Variants in C8orf34 observed in about 807,000 individuals in gnomAD.
C8orf34 encodes uncharacterized protein C8orf34.
A neutral mutation model predicts 68.3 loss-of-function variants in C8orf34; 65 were observed. That is an observed-to-expected ratio of 0.95 (90% CI 0.78 to 1.17). The LOEUF (loss-of-function observed/expected upper bound fraction) is 1.17. Among genes scored for constraint, C8orf34 ranks in the 50% most tolerant of loss-of-function variants. C8orf34 has a pLI of 0.00. For missense variants in C8orf34, 664 were observed against 655.4 expected, an observed-to-expected ratio of 1.01 and a Z score of -0.14; for synonymous variants, 244 against 241.2, an observed-to-expected ratio of 1.01 and a Z score of -0.11.
chr8:68,626,270 G>A lies in C8orf34; in HGVS notation c.1106-14106G>A, dbSNP rs192263287. On this transcript the variant is annotated intron_variant, in intron 7 of 13. Transcript: ENST00000518698. ...TACAAGGAAAGAAAGGAATGGGAGA[G>A]TGGGAGATGTTCACCATCCAAATCT... is the stretch of plus-strand genomic sequence containing the variant. Among the ~76,000 whole-genome samples, 408 of 152,230 alleles carry A rather than the reference G, an allele frequency of 2.7e-3. 1 individual carries two copies. Among genetic ancestry groups the A allele is most frequent in the African/African-American group, 8.1e-3 (337 of 41,548 alleles).
At chr8:68,713,005 C>A (rs1173836715) in intron 9 of C8orf34, among the ~76,000 whole-genome samples, 1 of 152,090 alleles carries the variant, frequency 6.6e-6, no homozygotes, top group African/African-American at 2.4e-5. Context: ...AATTGGAAAT[C>A]AACTCCAAAA....
intron 7 of C8orf34, among the ~76,000 whole-genome samples, chr8:68,582,268 G>A (rs1817087993): frequency 2.0e-5 from 3 of 152,260 alleles, no homozygotes; most frequent in Middle Eastern, 6.8e-3. Context: ...AGACTGAAGT[G>A]GGGGAACCCA....
In C8orf34 at chr8:68,420,669, A is replaced by G. The variant is rs188831701; in HGVS notation, c.328-18830A>G. Reference sequence around the variant, plus strand: ...CACAGACATTAAAATAAGTCAGCTTACTATGTTCAGGGGATAGAGGCAATA... The same window carrying G: ...CACAGACATTAAAATAAGTCAGCTTGCTATGTTCAGGGGATAGAGGCAATA... On this transcript the variant is annotated intron_variant, in intron 1 of 13. Coordinates refer to ENST00000518698, the MANE Select transcript of C8orf34 (RefSeq NM_052958.4). 9.2e-5 allele frequency among the ~76,000 whole-genome samples: 14 copies of G among 152,342 alleles called. No individual in the cohort carries two copies. In the East Asian group the frequency reaches 2.7e-3, roughly 29 times the overall value.
At chr8:68,576,376 T>A (rs1277578540) in intron 7 of C8orf34, among the ~76,000 whole-genome samples, 1 of 151,612 alleles carries the variant, frequency 6.6e-6, no homozygotes, top group Admixed American at 6.6e-5. Flanking sequence ...AGATTTTTCC[T>A]TCAACTATGG....
intron 7 of C8orf34, among the ~76,000 whole-genome samples, chr8:68,627,007 T>C (rs762929240): frequency 5.3e-5 from 8 of 152,166 alleles, no homozygotes; most frequent in Non-Finnish European, 1.0e-4. Flanking sequence ...TGAATAAATA[T>C]ACTTTAAAAT....
At chr8:68,606,323 G>A (rs1334504110) in intron 7 of C8orf34, among the ~76,000 whole-genome samples, 1 of 152,048 alleles carries the variant, frequency 6.6e-6, no homozygotes, top group East Asian at 1.9e-4. Flanking sequence ...TTACATCCCA[G>A]TGCCTGGAAT....
At chr8:68,373,589 A>G (rs955728951) in intron 1 of C8orf34, among the ~76,000 whole-genome samples, 1 of 152,250 alleles carries the variant, frequency 6.6e-6, no homozygotes. Flanking sequence ...GTTCTGAGAC[A>G]GCCAGAACTG....
At chr8:68,387,598 A>G (rs1228324063) in intron 1 of C8orf34, among the ~76,000 whole-genome samples, 11 of 152,164 alleles carry the variant, frequency 7.2e-5, no homozygotes, top group Non-Finnish European at 2.9e-5. Flanking sequence ...CCAAGTTCCT[A>G]AGGAAGAAGA....
intron 8 of C8orf34, among the ~76,000 whole-genome samples, chr8:68,694,683 A>T (rs1266632285): frequency 6.6e-6 from 1 of 152,066 alleles, no homozygotes; most frequent in Admixed American, 6.6e-5. Flanking sequence ...ACGAATAGTG[A>T]AAGCTTATAT....
At chr8:68,681,278 TTAAA>T (rs1321678249) in intron 8 of C8orf34, among the ~76,000 whole-genome samples, 1 of 151,546 alleles carries the variant, frequency 6.6e-6, no homozygotes, top group African/African-American at 2.4e-5. Context: ...GATTAAGAGA[TTAAA>T]GTAAAACAGG....
At position 68,334,961 on chromosome 8, in the gene C8orf34, G is replaced by A. The variant is rs573951309; in HGVS notation, c.327+3622G>A. On this transcript the variant is annotated intron_variant, in intron 1 of 13. Coordinates refer to ENST00000518698, the MANE Select transcript of C8orf34 (RefSeq NM_052958.4). Reference sequence around the variant, plus strand: ...ATGCAACCCTGAACTCCAATTTGCTGCCAACCCTCAGCAAGCCCATTATTT... The same window carrying A: ...ATGCAACCCTGAACTCCAATTTGCTACCAACCCTCAGCAAGCCCATTATTT... Among the ~76,000 whole-genome samples, 6 of 152,214 alleles carry A rather than the reference G, an allele frequency of 3.9e-5. No individual in the cohort carries two copies. The South Asian group carries it at 1.0e-3, about 26-fold the overall frequency.
chr8:68,663,776 T>C (rs1403249052), intron 8 of C8orf34, among the ~76,000 whole-genome samples: 1 of 152,208 alleles, frequency 6.6e-6, no homozygotes, highest in Non-Finnish European at 1.5e-5. Context: ...TACTGTTTGA[T>C]AGATGGTCCC....
intron 7 of C8orf34, among the ~76,000 whole-genome samples, chr8:68,605,608 T>C (rs1256317110): frequency 1.3e-5 from 2 of 151,850 alleles, no homozygotes; most frequent in African/African-American, 2.4e-5. Context: ...TATTACTAGG[T>C]GAAATAAACC....
chr8:68,506,239 C>G (rs1225876350), intron 5 of C8orf34, among the ~76,000 whole-genome samples: 1 of 152,168 alleles, frequency 6.6e-6, no homozygotes. Flanking sequence ...AAATTTCTCT[C>G]TAAAGAGATT....
chr8:68,465,519 C>T (rs996937685), intron 3 of C8orf34, among the ~76,000 whole-genome samples: 8 of 152,068 alleles, frequency 5.3e-5, no homozygotes, highest in Non-Finnish European at 8.8e-5. Context: ...TATTGCAGCA[C>T]TATTCACAAT....
chr8:68,483,325 A>G (rs965859845), intron 4 of C8orf34, among the ~76,000 whole-genome samples: 6 of 152,194 alleles, frequency 3.9e-5, no homozygotes, highest in African/African-American at 1.4e-4. Context: ...AGGAAGCTGA[A>G]AGGCTGAAGA....
rs1378932008 is a variant in C8orf34, at chr8:68,419,710, C to T, written c.328-19789C>T. ...GGATGAAATTGGAAATCATCATTCT[C>T]AGTAAACTATCGCAAGAACAAAAAA... On this transcript the variant is annotated intron_variant, in intron 1 of 13. Coordinates refer to ENST00000518698, the MANE Select transcript of C8orf34 (RefSeq NM_052958.4). Among the ~76,000 whole-genome samples the T allele has an allele frequency of 2.6e-5, 4 of 151,492 alleles. No homozygotes were observed. The South Asian group carries it at 6.3e-4, about 24-fold the overall frequency.
chr8:68,541,578 T>G (rs764376660), intron 7 of C8orf34, among the ~76,000 whole-genome samples: 9 of 152,218 alleles, frequency 5.9e-5, no homozygotes, highest in Non-Finnish European at 1.3e-4. Context: ...TCGTGCATGT[T>G]ATAAAGTAAG....
intron 5 of C8orf34, among the ~76,000 whole-genome samples, chr8:68,498,765 T>C (rs989920536): frequency 6.6e-6 from 1 of 152,204 alleles, no homozygotes; most frequent in Non-Finnish European, 1.5e-5. Flanking sequence ...CCCAGTATTT[T>C]TTCTTTTAAA....
Sources: allele counts gnomAD v4.1 joint callset (sites outside exome capture counted in the v4.1 genomes callset), GRCh38; gene constraint gnomAD v4.1.1; transcripts MANE v1.5; gene names NCBI Gene and HGNC (gene_info 2026-07-23, HGNC 2026-07-21).